The following XPO6 variants were observed in gnomAD, a reference collection of about 807,000 sequenced individuals.
XPO6 encodes the protein exportin 6, also known as exportin-6.
Under a neutral mutation model 130.0 loss-of-function variants are expected in XPO6, and 3 were observed. The ratio of observed to expected loss-of-function variants is 0.02; its 90% confidence interval spans 0.01 to 0.06. XPO6 has a LOEUF of 0.06. Ranked by LOEUF, XPO6 falls within the 10% of genes least tolerant of loss-of-function variation. The pLI is 1.00. For synonymous variants in XPO6, 524 were observed against 548.9 expected (o/e 0.95, Z 0.63); for missense variants, 970 against 1,393.0 (o/e 0.70, Z 4.83).
Position 28,112,887 on chromosome 16 carries a change from G to T in XPO6, c.2151+17C>A, listed in dbSNP as rs1223777393. The stretch of plus-strand genomic sequence containing the variant: ...TCACACAGCCCTGGGGACCCCGGGG[G>T]AGCTCTGGGGCCTCACCTTATCGAC... On this transcript the variant is annotated intron_variant, in intron 16 of 23. Transcript: ENST00000304658. 1 of 1,609,190 alleles carries T rather than the reference G, an allele frequency of 6.2e-7. No homozygotes were observed. The highest frequency in any genetic ancestry group is 8.5e-7 in the Non-Finnish European group (1 of 1,176,642).
At chr16:28,177,924 CA>C (rs1211070816) in intron 2 of XPO6, among the ~76,000 whole-genome samples, 5 of 152,294 alleles carry the variant, frequency 3.3e-5, no homozygotes, top group South Asian at 4.1e-4. Context: ...GTGGCAAGAG[CA>C]ACGATGACGA....
intron 20 of XPO6, chr16:28,105,816 C>A: frequency 1.2e-5 from 7 of 597,066 alleles, no homozygotes; most frequent in Admixed American, 3.2e-5. Context: ...AGCAACTGAC[C>A]CTGTGGAATA....
At position 28,186,374 on chromosome 16, in the gene XPO6, C is replaced by CTTTTTTTTTTTTTTTT. The variant is rs60754642; in HGVS notation, c.4-5359_4-5344dup. 2.3e-3 allele frequency among the ~76,000 whole-genome samples: 184 copies of CTTTTTTTTTTTTTTTT among 81,414 alleles called. 44 individuals are homozygous for CTTTTTTTTTTTTTTTT. The highest frequency in any genetic ancestry group is 0.011 in the African/African-American group (162 of 15,248). The allele number at this position is 81,414 out of a possible 152,430, so 53.4% of individuals were successfully genotyped here. On this transcript the variant is annotated intron_variant, in intron 1 of 23. Coordinates refer to ENST00000304658, the MANE Select transcript of XPO6 (RefSeq NM_015171.4). ...TATAGATTTTTCTGCCCCAGTTATTCTTTTTTTTTTTTTTTTTGCTAAAGA... is the reference window on the plus strand; with the variant it reads ...TATAGATTTTTCTGCCCCAGTTATTCTTTTTTTTTTTTTTTTTTTTTTTTTTTTTTTTTGCTAAAGA...
At chr16:28,190,973 CTT>C (rs1301452182) in intron 1 of XPO6, among the ~76,000 whole-genome samples, 1 of 152,182 alleles carries the variant, frequency 6.6e-6, no homozygotes, top group Non-Finnish European at 1.5e-5. Context: ...CTTTGTATAA[CTT>C]ATTCCTTGAA....
At chr16:28,169,120 C>A (rs1412157793) in intron 5 of XPO6, among the ~76,000 whole-genome samples, 1 of 152,218 alleles carries the variant, frequency 6.6e-6, no homozygotes, top group East Asian at 1.9e-4. Flanking sequence ...CACGGCCAGG[C>A]ATTGCATACA....
Position 28,200,261 on chromosome 16 carries a change from C to A in XPO6, c.3+11105G>T, listed in dbSNP as rs577605863. Among the ~76,000 whole-genome samples the A allele has an allele frequency of 1.9e-4, 29 of 152,156 alleles. No homozygotes were observed. In the South Asian group the frequency reaches 6.0e-3, roughly 32 times the overall value. On this transcript the variant is annotated intron_variant, in intron 1 of 23. Transcript: ENST00000304658. The stretch of plus-strand genomic sequence containing the variant: ...CCAGCTCCATTTGGCTTATAAAATA[C>A]CCTTAACTTTTCAGGGAGCCCTAGA...
intron 1 of XPO6, among the ~76,000 whole-genome samples, chr16:28,199,069 G>A (rs929563857): frequency 6.6e-6 from 1 of 152,128 alleles, no homozygotes; most frequent in Admixed American, 6.6e-5. Context: ...GAACCCAGAA[G>A]GTGGAGGTTG....
At chr16:28,186,371 A>ATCCTTTTTTTTTTTT (rs2043692526) in intron 1 of XPO6, among the ~76,000 whole-genome samples, 7 of 10,134 alleles carry the variant, frequency 6.9e-4, no homozygotes, top group African/African-American at 2.5e-3. Flanking sequence ...TGCCCCAGTT[A>ATCCTTTTTTTTTTTT]TTCTTTTTTT....
chr16:28,128,665 G>A (rs77659496), intron 12 of XPO6, among the ~76,000 whole-genome samples: 220 of 152,246 alleles, frequency 1.4e-3, no homozygotes, highest in Admixed American at 7.2e-3. Flanking sequence ...TGACCAAGCC[G>A]TCCCCTCTGC....
chr16:28,108,911 C>G (rs1596787268), intron 17 of XPO6, among the ~76,000 whole-genome samples: 1 of 152,186 alleles, frequency 6.6e-6, no homozygotes, highest in Admixed American at 6.5e-5. Flanking sequence ...GAAGACGCTT[C>G]TCGCCACAGG....
At chr16:28,200,557 T>C (rs1342555507) in intron 1 of XPO6, among the ~76,000 whole-genome samples, 1 of 151,836 alleles carries the variant, frequency 6.6e-6, no homozygotes, top group Non-Finnish European at 1.5e-5. Flanking sequence ...GATTGCACCA[T>C]TGCACTCCAG....
intron 5 of XPO6, chr16:28,167,218 A>C (rs1416583810): frequency 4.1e-6 from 4 of 985,406 alleles, no homozygotes; most frequent in Non-Finnish European, 4.8e-6. Flanking sequence ...CTTCAGAAAC[A>C]AGGCAAGGCA....
chr16:28,125,869 C>T lies in XPO6; in HGVS notation c.1607-21G>A, dbSNP rs560142681. 3.1e-6 allele frequency: 5 copies of T among 1,606,536 alleles called. No individual in the cohort carries two copies. The African/African-American group carries it at 4.0e-5, about 13-fold the overall frequency. ...GTGTCCTGGAACACAACACGCCAGA[C>T]AGTTTTTCACAGGAAGACCACGCTT... is the stretch of plus-strand genomic sequence containing the variant. On this transcript the variant is annotated intron_variant, in intron 12 of 23. Coordinates refer to ENST00000304658, the MANE Select transcript of XPO6 (RefSeq NM_015171.4).
intron 1 of XPO6, among the ~76,000 whole-genome samples, chr16:28,184,598 G>GT (rs2043665620): frequency 7.9e-6 from 1 of 126,750 alleles, no homozygotes; most frequent in Non-Finnish European, 1.7e-5. Context: ...CAACAAATCA[G>GT]TAAAAAAAAA....
chr16:28,201,376 G>C (rs1015773965), intron 1 of XPO6, among the ~76,000 whole-genome samples: 8 of 152,100 alleles, frequency 5.3e-5, no homozygotes, highest in African/African-American at 1.9e-4. Flanking sequence ...TCATGTATCT[G>C]CTGAATGCTT....
At chr16:28,113,706 T>G (rs2086986152) in intron 15 of XPO6, among the ~76,000 whole-genome samples, 1 of 152,188 alleles carries the variant, frequency 6.6e-6, no homozygotes, top group South Asian at 2.1e-4. Context: ...TAAGATTACC[T>G]ATAACCTATA....
In XPO6 at chr16:28,121,774, G is replaced by C; in HGVS notation, c.1767-12C>G. On this transcript the variant is annotated splice_polypyrimidine_tract_variant and intron_variant, in intron 13 of 23. Coordinates refer to ENST00000304658, the MANE Select transcript of XPO6 (RefSeq NM_015171.4). The stretch of plus-strand genomic sequence containing the variant: ...TGACTTTGACCAACCTGTTGGCAAA[G>C]AGGCAGGTAAACAAGAACATTCAGC... 1 of 1,587,152 alleles carries C rather than the reference G, an allele frequency of 6.3e-7. No homozygotes were observed. The highest frequency in any genetic ancestry group is 8.7e-7 in the Non-Finnish European group (1 of 1,155,860).
At chr16:28,156,556 C>A (rs770394148) in intron 6 of XPO6, 29 bp from the exon 7 acceptor site, 1 of 1,491,526 alleles carries the variant, frequency 6.7e-7, no homozygotes, top group South Asian at 1.4e-5. Context: ...TTTAAGCTAT[C>A]CAGCATCAAA....
At chr16:28,128,295 G>A (rs1344966919) in intron 12 of XPO6, among the ~76,000 whole-genome samples, 1 of 152,072 alleles carries the variant, frequency 6.6e-6, no homozygotes, top group Non-Finnish European at 1.5e-5. Flanking sequence ...CTGACACTGG[G>A]TATAGCATAG....
Sources: allele counts gnomAD v4.1 joint callset (sites outside exome capture counted in the v4.1 genomes callset), GRCh38; gene constraint gnomAD v4.1.1; transcripts MANE v1.5; gene names NCBI Gene and HGNC (gene_info 2026-07-23, HGNC 2026-07-21).